Variants in ELAVL4 observed in about 807,000 individuals in gnomAD.
The protein encoded by ELAVL4 is ELAV-like protein 4.
ELAVL4 carries 1 observed loss-of-function variant against 35.6 expected under a neutral mutation model. The observed-to-expected ratio is 0.03, with a 90% CI of 0.01 to 0.13. The LOEUF is 0.13. Among genes scored for constraint, ELAVL4 ranks in the 10% least tolerant of loss-of-function variants. ELAVL4 has a pLI of 1.00. For missense variants in ELAVL4, 267 were observed against 464.9 expected (o/e 0.57, Z 3.91); for synonymous variants, 156 against 171.0 (o/e 0.91, Z 0.69).
chr1:50,060,523 C>A (rs1235725345), intron 1 of ELAVL4, among the ~76,000 whole-genome samples: 1 of 152,176 alleles, frequency 6.6e-6, no homozygotes, highest in Non-Finnish European at 1.5e-5. Context: ...GGATCAAGAT[C>A]CAGAGCAGTG....
chr1:50,111,681 T>A (rs1045670304), intron 1 of ELAVL4, among the ~76,000 whole-genome samples: 1 of 152,156 alleles, frequency 6.6e-6, no homozygotes, highest in Non-Finnish European at 1.5e-5. Flanking sequence ...CATTTGGCAT[T>A]TGGTCCTGAT....
intron 6 of ELAVL4, among the ~76,000 whole-genome samples, chr1:50,199,007 G>A (rs1481713755): frequency 2.0e-5 from 3 of 152,110 alleles, no homozygotes; most frequent in East Asian, 1.9e-4. Context: ...AACTCACTTG[G>A]TTGGAGGATA....
At chr1:50,169,047 A>G (rs1349293307) in intron 2 of ELAVL4, among the ~76,000 whole-genome samples, 1 of 151,754 alleles carries the variant, frequency 6.6e-6, no homozygotes, top group Non-Finnish European at 1.5e-5. Flanking sequence ...AGGGTCCCAC[A>G]ACAGGTTGTC....
chr1:50,103,117 G>A (rs945804456), upstream of ELAVL4, among the ~76,000 whole-genome samples: 1 of 152,292 alleles, frequency 6.6e-6, no homozygotes, highest in South Asian at 2.1e-4. Flanking sequence ...AGAGAAAGCA[G>A]GAAGATGAAG....
At chr1:50,148,292 A>T (rs919867614) in intron 2 of ELAVL4, among the ~76,000 whole-genome samples, 7 of 152,100 alleles carry the variant, frequency 4.6e-5, no homozygotes, top group Non-Finnish European at 4.4e-5. Context: ...GCACTTCATA[A>T]CCCAATGCAA....
In ELAVL4 at chr1:50,168,247, G is replaced by T. The variant is rs577350922; in HGVS notation, c.251-8842G>T. Among the ~76,000 whole-genome samples, 86 of 152,198 alleles carry T rather than the reference G, an allele frequency of 5.7e-4. 1 individual carries two copies. Among genetic ancestry groups the T allele is most frequent in the African/African-American group, 1.9e-3 (79 of 41,504 alleles). On this transcript the variant is annotated intron_variant, in intron 2 of 6. Transcript: ENST00000371824. Reference sequence around the variant, plus strand: ...GGGAAGAGAAGGCAGGGTGGCAGGAGTGTCCCCAGCTTCATCAGGGTGGCA... The same window carrying T: ...GGGAAGAGAAGGCAGGGTGGCAGGATTGTCCCCAGCTTCATCAGGGTGGCA...
intron 1 of ELAVL4, among the ~76,000 whole-genome samples, chr1:50,111,771 G>C (rs2148541118): frequency 6.6e-6 from 1 of 152,050 alleles, no homozygotes; most frequent in African/African-American, 2.4e-5. Context: ...GTGTGCACTG[G>C]GTGACAAGCA....
intron 3 of ELAVL4, among the ~76,000 whole-genome samples, chr1:50,183,500 C>A (rs1164727364): frequency 6.6e-6 from 1 of 152,174 alleles, no homozygotes; most frequent in Admixed American, 6.5e-5. Context: ...CAGAAGGAAA[C>A]ACCTTCCTTC....
At chr1:50,062,098 T>G (rs1312011409) in intron 1 of ELAVL4, among the ~76,000 whole-genome samples, 1 of 152,196 alleles carries the variant, frequency 6.6e-6, no homozygotes, top group Non-Finnish European at 1.5e-5. Flanking sequence ...GCCTTCCCTT[T>G]CTGAAGTTCA....
chr1:50,121,404 A>T (rs535562811), intron 1 of ELAVL4, among the ~76,000 whole-genome samples: 1 of 152,072 alleles, frequency 6.6e-6, no homozygotes, highest in Non-Finnish European at 1.5e-5. Context: ...GGCATTAAAA[A>T]TTAAAACAAT....
chr1:50,108,039 C>A (rs1666497084), upstream of ELAVL4, among the ~76,000 whole-genome samples: 1 of 152,164 alleles, frequency 6.6e-6, no homozygotes, highest in Non-Finnish European at 1.5e-5. Flanking sequence ...AGGCTGTTGT[C>A]AAAAGCATGT....
chr1:50,141,352 G>A (rs1224858650), intron 1 of ELAVL4, among the ~76,000 whole-genome samples: 5 of 152,162 alleles, frequency 3.3e-5, no homozygotes, highest in Admixed American at 2.0e-4. Flanking sequence ...TGTGGGCCTG[G>A]GGGGTTTTTG....
chr1:50,072,157 T>C (rs1423613188), intron 1 of ELAVL4, among the ~76,000 whole-genome samples: 1 of 152,174 alleles, frequency 6.6e-6, no homozygotes, highest in Admixed American at 6.5e-5. Flanking sequence ...TGAGTAAGAA[T>C]CTAGACTCTA....
intron 1 of ELAVL4, among the ~76,000 whole-genome samples, chr1:50,049,909 T>A (rs1424966462): frequency 1.3e-5 from 2 of 152,078 alleles, no homozygotes; most frequent in African/African-American, 4.8e-5. Context: ...GGTACTTGGG[T>A]GTGGGTTGTA....
At chr1:50,192,518 C>T (rs1472049841) in intron 3 of ELAVL4, among the ~76,000 whole-genome samples, 5 of 118,128 alleles carry the variant, frequency 4.2e-5, no homozygotes, top group African/African-American at 7.1e-5. Flanking sequence ...TTTGTGTGCA[C>T]GCACACACAC....
intron 6 of ELAVL4, among the ~76,000 whole-genome samples, chr1:50,198,357 T>C (rs1644185817): frequency 6.6e-6 from 1 of 152,172 alleles, no homozygotes; most frequent in South Asian, 2.1e-4. Context: ...ATCATCTTGC[T>C]CAGTAGAGCT....
chr1:50,085,509 T>A (rs907497548), intron 1 of ELAVL4, among the ~76,000 whole-genome samples: 1 of 152,208 alleles, frequency 6.6e-6, no homozygotes, highest in Non-Finnish European at 1.5e-5. Context: ...CAGGATCTTC[T>A]GAAAACTTTA....
chr1:50,145,027 A>G lies in ELAVL4; in HGVS notation c.80A>G (p.Asn27Ser), dbSNP rs541366902. 6 of 1,614,010 alleles carry G rather than the reference A, an allele frequency of 3.7e-6. No homozygotes were observed. In the South Asian group the frequency reaches 5.5e-5, roughly 15 times the overall value. ...AATACAAGCAATGGACCCTCCAGCA[A>G]CAACAGAAACTGTCCTTCTCCCATG... is the stretch of plus-strand genomic sequence containing the variant. ...TSNTSNGPSS[N>S]NRNCPSPMQT... Residue 27 changes from asparagine (N) to serine (S), a missense_variant, in exon 2 of 7, where the codon AAC becomes AGC. By Grantham distance (46) the Asn-to-Ser change is conservative. Transcript: ENST00000371824.
rs1377141175 is a variant in ELAVL4, at chr1:50,203,630, A to C, written c.*2452A>C. 6.6e-6 allele frequency: 1 copy of C among 152,172 alleles called. No individual in the cohort carries two copies. Among genetic ancestry groups the C allele is most frequent in the African/African-American group, 2.4e-5 (1 of 41,442 alleles). The allele number at this position is 152,172 out of a possible 1,614,324, so 9.4% of individuals were successfully genotyped here. ...CAGGCAGTTGTATACTTTAGTTATT[A>C]ATGAATGACTTCATGTTAATCTTGC... is the stretch of plus-strand genomic sequence containing the variant. On this transcript the variant is annotated 3_prime_UTR_variant, in exon 7 of 7. Coordinates refer to ENST00000371824, the MANE Select transcript of ELAVL4 (RefSeq NM_001144774.3).
Sources: gnomAD v4.1 joint callset for allele counts (sites outside exome capture counted in the v4.1 genomes callset) on GRCh38, gnomAD v4.1.1 for gene constraint, MANE v1.5 for transcripts, NCBI Gene and HGNC (gene_info 2026-07-23, HGNC 2026-07-21) for gene names.